Variants in NYAP2 observed in about 807,000 individuals in gnomAD.
The protein encoded by NYAP2 is neuronal tyrosine-phosphorylated phosphoinositide-3-kinase adaptor 2.
In NYAP2, 23 loss-of-function variants were observed where a neutral mutation model predicts 50.4. The observed-to-expected ratio is 0.46, with a 90% confidence interval of 0.33 to 0.65. The LOEUF is 0.65. NYAP2 is among the 30% of genes least tolerant of loss of function. The pLI is 0.02. For synonymous variants in NYAP2, 394 were observed against 365.2 expected, an observed-to-expected ratio of 1.08 and a Z score of -0.90; for missense variants, 885 against 861.0, an observed-to-expected ratio of 1.03 and a Z score of -0.35.
chr2:225,572,765 C>G (rs1015284593), intron 4 of NYAP2, among the ~76,000 whole-genome samples: 6 of 152,190 alleles, frequency 3.9e-5, no homozygotes, highest in Non-Finnish European at 5.9e-5. Context: ...GCTTCAGGCT[C>G]TACTAGCATG....
At chr2:225,629,942 G>T (rs1055111055) in intron 6 of NYAP2, among the ~76,000 whole-genome samples, 1 of 152,180 alleles carries the variant, frequency 6.6e-6, no homozygotes, top group African/African-American at 2.4e-5. Context: ...CAGCTGAAGA[G>T]AAATCAGTTA....
chr2:225,504,705 G>T (rs1278113123), intron 3 of NYAP2, among the ~76,000 whole-genome samples: 1 of 152,030 alleles, frequency 6.6e-6, no homozygotes, highest in Non-Finnish European at 1.5e-5. Context: ...GAACATATTT[G>T]ATATTTAAAA....
chr2:225,454,255 C>G (rs966116774), intron 3 of NYAP2, among the ~76,000 whole-genome samples: 1 of 152,036 alleles, frequency 6.6e-6, no homozygotes, highest in Non-Finnish European at 1.5e-5. Context: ...CACTTGAGCC[C>G]AGGAGATTGA....
Position 225,480,147 on chromosome 2 carries a change from A to G in NYAP2, c.222-33224A>G, listed in dbSNP as rs140925485. Among the ~76,000 whole-genome samples, 359 of 152,226 alleles carry G rather than the reference A, an allele frequency of 2.4e-3. 3 individuals are homozygous for G. Among genetic ancestry groups the G allele is most frequent in the African/African-American group, 8.2e-3 (339 of 41,564 alleles). On this transcript the variant is annotated intron_variant, in intron 3 of 6. Transcript: ENST00000636099. ...AGCCTGAGACATTTTTAATTTTTAG[A>G]AAATAATTTTTAGAAGGTATTTCAT...
the NYAP2 span, among the ~76,000 whole-genome samples, chr2:225,683,478 C>A: frequency 2.6e-5 from 4 of 152,152 alleles, no homozygotes; most frequent in South Asian, 4.1e-4. Context: ...ATAAAAAATT[C>A]TTTCCAGTTA....
Position 225,582,432 on chromosome 2 carries a change from T to A in NYAP2, c.1015T>A (p.Phe339Ile). The A allele has an allele frequency of 6.3e-7, 1 of 1,576,900 alleles. No homozygotes were observed. The highest frequency in any genetic ancestry group is 8.6e-7 in the Non-Finnish European group (1 of 1,157,102). Residue 339 changes from phenylalanine (F) to isoleucine (I), a missense_variant, in exon 5 of 7, where the codon TTT becomes ATT. By Grantham distance (21) the Phe-to-Ile change is conservative. Coordinates refer to ENST00000636099, the Ensembl canonical transcript of NYAP2. The surrounding 1 kb of genome is among the most constrained non-coding windows in gnomAD (Gnocchi z 7.0). ...TTCTCACAGACCCCCGCTGCTGGTA[T>A]TTCCCCCCGCCCCCGTGCATTGCTC...
Position 225,554,078 on chromosome 2 carries a change from C to G in NYAP2, c.524-27863C>G, listed in dbSNP as rs186015368. ...TAAAAAGGTTAGATATTTAGTTAACCCATAATGATTTGGTCCCTTACATTC... is the reference window on the plus strand; with the variant it reads ...TAAAAAGGTTAGATATTTAGTTAACGCATAATGATTTGGTCCCTTACATTC... On this transcript the variant is annotated intron_variant, in intron 4 of 6. Coordinates refer to ENST00000636099, the Ensembl canonical transcript of NYAP2. Among the ~76,000 whole-genome samples, 666 of 152,164 alleles carry G rather than the reference C, an allele frequency of 4.4e-3. 4 individuals carry two copies. The highest frequency in any genetic ancestry group is 6.9e-3 in the Non-Finnish European group (466 of 68,004).
intron 3 of NYAP2, among the ~76,000 whole-genome samples, chr2:225,459,620 C>CTATTTATT (rs546809089): frequency 1.8e-4 from 27 of 151,706 alleles, no homozygotes; most frequent in African/African-American, 6.5e-4. Flanking sequence ...ATTTTTTCCT[C>CTATTTATT]TATTTATTTA....
At chr2:225,690,392 T>TATC in the NYAP2 span, among the ~76,000 whole-genome samples, 1 of 152,124 alleles carries the variant, frequency 6.6e-6, no homozygotes, top group African/African-American at 2.4e-5. Flanking sequence ...CTCTACGTTA[T>TATC]ATCAATTTCA....
chr2:225,682,160 A>C, the NYAP2 span, among the ~76,000 whole-genome samples: 2 of 152,152 alleles, frequency 1.3e-5, no homozygotes, highest in African/African-American at 4.8e-5. Flanking sequence ...ATCATTAGAG[A>C]AAGTTCATCA....
intron 2 of NYAP2, among the ~76,000 whole-genome samples, chr2:225,407,003 G>A: frequency 6.6e-6 from 1 of 152,012 alleles, no homozygotes; most frequent in Non-Finnish European, 1.5e-5. Flanking sequence ...GGGCAAAGAA[G>A]GAGTGATCAT....
chr2:225,509,985 G>A (rs539045549), intron 3 of NYAP2, among the ~76,000 whole-genome samples: 13 of 152,334 alleles, frequency 8.5e-5, no homozygotes, highest in African/African-American at 3.1e-4. Flanking sequence ...AGTGGAGAGT[G>A]ATGGAAAGAT....
At chr2:225,578,941 T>C (rs1306088926) in intron 4 of NYAP2, among the ~76,000 whole-genome samples, 1 of 152,160 alleles carries the variant, frequency 6.6e-6, no homozygotes, top group Non-Finnish European at 1.5e-5. Flanking sequence ...ATCAAGATAG[T>C]AGCATGGTCG....
the NYAP2 span, among the ~76,000 whole-genome samples, chr2:225,673,924 T>A: frequency 6.6e-6 from 1 of 152,114 alleles, no homozygotes; most frequent in Non-Finnish European, 1.5e-5. Context: ...TTATCTTGGG[T>A]ACAATGACAA....
intron 3 of NYAP2, among the ~76,000 whole-genome samples, chr2:225,414,522 T>C (rs1695092652): frequency 6.6e-6 from 1 of 152,044 alleles, no homozygotes; most frequent in Non-Finnish European, 1.5e-5. Context: ...GTTTATCATG[T>C]GAGTGAGAGA....
intron 4 of NYAP2, among the ~76,000 whole-genome samples, chr2:225,553,729 T>C (rs980496193): frequency 6.6e-6 from 1 of 152,106 alleles, no homozygotes; most frequent in East Asian, 1.9e-4. Context: ...GAGAAGTATA[T>C]CAACTTTTAT....
At chr2:225,586,880 C>G (rs1434732243) in intron 5 of NYAP2, among the ~76,000 whole-genome samples, 1 of 152,174 alleles carries the variant, frequency 6.6e-6, no homozygotes, top group Admixed American at 6.5e-5. Context: ...CTACAAAGAA[C>G]TACTCGAGAT....
At chr2:225,638,366 G>C (rs531829633) in intron 6 of NYAP2, among the ~76,000 whole-genome samples, 1 of 152,120 alleles carries the variant, frequency 6.6e-6, no homozygotes, top group Admixed American at 6.5e-5. Context: ...GAGGGATAGA[G>C]TGGAAGGAAA....
At chr2:225,608,730 C>T (rs1486363514) in intron 5 of NYAP2, among the ~76,000 whole-genome samples, 1 of 152,134 alleles carries the variant, frequency 6.6e-6, no homozygotes, top group African/African-American at 2.4e-5. Context: ...TTCTCTACCA[C>T]ACAGTGACTT....
Sources: allele counts gnomAD v4.1 joint callset (sites outside exome capture counted in the v4.1 genomes callset), GRCh38; gene constraint gnomAD v4.1.1; non-coding constraint Gnocchi (gnomAD v3.1); transcripts MANE v1.5; gene names NCBI Gene and HGNC (gene_info 2026-07-23, HGNC 2026-07-21).